Variants in CAMK1D observed in about 807,000 individuals in gnomAD.
CAMK1D encodes the protein calcium/calmodulin-dependent protein kinase type 1D.
In CAMK1D, 9 loss-of-function variants were observed where a neutral mutation model predicts 47.7. That is an observed-to-expected ratio of 0.19 (90% CI 0.11 to 0.33). CAMK1D has a LOEUF of 0.33. Ranked by LOEUF, CAMK1D falls within the 10% of genes least tolerant of loss-of-function variation. The pLI is 1.00. For missense variants in CAMK1D, 291 were observed against 488.7 expected (o/e 0.60, Z 3.81); for synonymous variants, 184 against 184.9 (o/e 0.99, Z 0.04).
intron 1 of CAMK1D, among the ~76,000 whole-genome samples, chr10:12,391,167 A>T (rs1299257812): frequency 6.6e-6 from 1 of 152,140 alleles, no homozygotes; most frequent in Non-Finnish European, 1.5e-5. Context: ...AACTTTTAAG[A>T]TCTTTGCCTG....
intron 3 of CAMK1D, among the ~76,000 whole-genome samples, chr10:12,669,254 A>AC (rs1278173834): frequency 1.8e-4 from 27 of 152,082 alleles, no homozygotes; most frequent in Admixed American, 1.2e-3. Flanking sequence ...AAAACCCCAC[A>AC]AAAAACCACG....
intron 1 of CAMK1D, among the ~76,000 whole-genome samples, chr10:12,449,998 A>G (rs1833037023): frequency 6.6e-6 from 1 of 151,640 alleles, no homozygotes; most frequent in Admixed American, 6.6e-5. Flanking sequence ...ACTCCATCTC[A>G]AAAAAAATAC....
At chr10:12,512,303 G>A (rs1294138859) in intron 1 of CAMK1D, among the ~76,000 whole-genome samples, 2 of 152,256 alleles carry the variant, frequency 1.3e-5, no homozygotes, top group African/African-American at 4.8e-5. Flanking sequence ...TCGTTGGGGA[G>A]AAGTTAAAGC....
chr10:12,449,871 C>T lies in CAMK1D; in HGVS notation c.92+99961C>T, dbSNP rs1210010835. 2.0e-5 allele frequency among the ~76,000 whole-genome samples: 3 copies of T among 152,040 alleles called. No homozygotes were observed. In the East Asian group the frequency reaches 5.8e-4, roughly 29 times the overall value. ...GAAATTATCTGGGCATGGTGGCAGG[C>T]GCCTGTAATCCCAGCTAACTGGGAG... On this transcript the variant is annotated intron_variant, in intron 1 of 10. Coordinates refer to ENST00000619168, the MANE Select transcript of CAMK1D (RefSeq NM_153498.4).
intron 1 of CAMK1D, among the ~76,000 whole-genome samples, chr10:12,380,471 C>T (rs1454155037): frequency 6.6e-6 from 1 of 152,136 alleles, no homozygotes; most frequent in African/African-American, 2.4e-5. Flanking sequence ...AAGCTGATAA[C>T]ATAATTGCAC....
chr10:12,479,163 C>A (rs1393463693), intron 1 of CAMK1D, among the ~76,000 whole-genome samples: 2 of 152,118 alleles, frequency 1.3e-5, no homozygotes, highest in African/African-American at 4.8e-5. Context: ...GCCAGTGGGT[C>A]CCCAGTGACG....
intron 6 of CAMK1D, 65 bp from the exon 7 acceptor site, chr10:12,814,130 C>A (rs1020020100): frequency 4.7e-6 from 5 of 1,055,684 alleles, no homozygotes; most frequent in Non-Finnish European, 7.3e-6. Context: ...TCCTTCCAGG[C>A]AAAGTGTACA....
At chr10:12,740,014 G>A (rs1339991818) in intron 3 of CAMK1D, among the ~76,000 whole-genome samples, 1 of 152,192 alleles carries the variant, frequency 6.6e-6, no homozygotes, top group African/African-American at 2.4e-5. Flanking sequence ...TTCCTACCTT[G>A]TAAAAATAGT....
intron 3 of CAMK1D, among the ~76,000 whole-genome samples, chr10:12,751,367 T>A (rs982886064): frequency 1.4e-4 from 21 of 152,162 alleles, no homozygotes; most frequent in Non-Finnish European, 2.6e-4. Context: ...GATCCTTCCA[T>A]CTCAGCCTCC....
intron 2 of CAMK1D, among the ~76,000 whole-genome samples, chr10:12,576,968 A>C (rs1837508212): frequency 6.6e-6 from 1 of 152,160 alleles, no homozygotes; most frequent in Non-Finnish European, 1.5e-5. Flanking sequence ...CAGAGCCCCA[A>C]AACCCAGCCT....
In CAMK1D at chr10:12,407,670, C is replaced by A. The variant is rs58115529; in HGVS notation, c.92+57760C>A. On this transcript the variant is annotated intron_variant, in intron 1 of 10. Coordinates refer to ENST00000619168, the MANE Select transcript of CAMK1D (RefSeq NM_153498.4). ...TGAGCTGGTTGATTGAATATGAAAT[C>A]TAGGAGGAGATTTACTTTCCCATTT... Among the ~76,000 whole-genome samples the A allele has an allele frequency of 4.9e-4, 75 of 152,246 alleles. No individual in the cohort carries two copies. In the East Asian group the frequency reaches 0.014, roughly 29 times the overall value.
At chr10:12,692,431 G>T (rs2130672752) in intron 3 of CAMK1D, among the ~76,000 whole-genome samples, 1 of 152,286 alleles carries the variant, frequency 6.6e-6, no homozygotes, top group Middle Eastern at 3.4e-3. Flanking sequence ...AGGGAAAACA[G>T]ATGTTTATCT....
chr10:12,618,717 G>GA lies in CAMK1D; in HGVS notation c.225-48010dup, dbSNP rs58015035. ...GCTTGGTATTTAGAGGGATTCATGG[G>GA]AAAAAAAAAGAGACTCTTCTCAAGA... On this transcript the variant is annotated intron_variant, in intron 2 of 10. Transcript: ENST00000619168. Among the ~76,000 whole-genome samples the GA allele has an allele frequency of 1.2e-3, 186 of 150,006 alleles. 1 individual carries two copies. The highest frequency in any genetic ancestry group is 3.8e-3 in the African/African-American group (157 of 40,888).
chr10:12,564,873 T>G (rs1837073374), intron 2 of CAMK1D, among the ~76,000 whole-genome samples: 1 of 152,214 alleles, frequency 6.6e-6, no homozygotes, highest in Non-Finnish European at 1.5e-5. Context: ...AAATGTACTA[T>G]ATGTAGGTGT....
At chr10:12,794,223 G>A (rs1838097091) in intron 6 of CAMK1D, among the ~76,000 whole-genome samples, 1 of 152,128 alleles carries the variant, frequency 6.6e-6, no homozygotes, top group Admixed American at 6.6e-5. Context: ...AGGAGAGGTA[G>A]TCTTCAAGTC....
chr10:12,601,400 G>T (rs1838299805), intron 2 of CAMK1D, among the ~76,000 whole-genome samples: 1 of 152,184 alleles, frequency 6.6e-6, no homozygotes, highest in African/African-American at 2.4e-5. Flanking sequence ...CCTGGCACGT[G>T]TGTGGCCTGC....
chr10:12,729,099 A>G (rs41454652), intron 3 of CAMK1D, among the ~76,000 whole-genome samples: 23,427 of 152,160 alleles, frequency 0.15, 2,487 homozygotes, highest in Non-Finnish European at 0.21. Context: ...CCTTCATGTC[A>G]TCGTGGTTGG....
intron 2 of CAMK1D, among the ~76,000 whole-genome samples, chr10:12,630,369 C>CT (rs1564456399): frequency 8.1e-6 from 1 of 123,760 alleles, no homozygotes; most frequent in East Asian, 2.4e-4. Context: ...CTTTCTTTTT[C>CT]TTTCTTTTTT....
intron 2 of CAMK1D, among the ~76,000 whole-genome samples, chr10:12,571,535 A>G (rs1032711596): frequency 3.9e-5 from 6 of 151,992 alleles, no homozygotes; most frequent in Admixed American, 3.3e-4. Flanking sequence ...CAGAATGTGC[A>G]TGGAAGCTGG....
Sources: gnomAD v4.1 joint callset for allele counts (sites outside exome capture counted in the v4.1 genomes callset) on GRCh38, gnomAD v4.1.1 for gene constraint, MANE v1.5 for transcripts, NCBI Gene and HGNC (gene_info 2026-07-23, HGNC 2026-07-21) for gene names.